The following DDR2 variants were observed in gnomAD, a reference collection of about 807,000 sequenced individuals.
DDR2 encodes discoidin domain receptor tyrosine kinase 2.
A neutral mutation model predicts 94.9 loss-of-function variants in DDR2; 27 were observed. That is an observed-to-expected ratio of 0.28 (90% CI 0.21 to 0.39). The LOEUF (loss-of-function observed/expected upper bound fraction) is 0.39, where lower values mean the gene tolerates loss of function less well. DDR2 is among the 10% of genes least tolerant of loss of function. The pLI is 1.00. For synonymous variants in DDR2, 382 were observed against 377.2 expected (o/e 1.01, Z -0.15); for missense variants, 783 against 1,076.0 (o/e 0.73, Z 3.81).
intron 3 of DDR2, among the ~76,000 whole-genome samples, chr1:162,737,306 C>A (rs1662356136): frequency 1.7e-5 from 2 of 121,060 alleles, no homozygotes; most frequent in Admixed American, 1.7e-4. Flanking sequence ...TATCCCTCCC[C>A]CCTCCCCCGA....
At chr1:162,645,360 C>T (rs1438318429) in intron 1 of DDR2, among the ~76,000 whole-genome samples, 1 of 152,062 alleles carries the variant, frequency 6.6e-6, no homozygotes, top group Non-Finnish European at 1.5e-5. Flanking sequence ...TAGGTATACA[C>T]TTCTTATGCT....
At chr1:162,718,732 TACCATTATTC>T (rs1661281345) in intron 2 of DDR2, among the ~76,000 whole-genome samples, 1 of 152,240 alleles carries the variant, frequency 6.6e-6, no homozygotes, top group Admixed American at 6.5e-5. Context: ...AGTTTTACTT[TACCATTATTC>T]ACCATTTGGG....
At chr1:162,716,935 C>A (rs548711574) in intron 2 of DDR2, among the ~76,000 whole-genome samples, 1 of 152,266 alleles carries the variant, frequency 6.6e-6, no homozygotes, top group African/African-American at 2.4e-5. Context: ...GGAATTTCTT[C>A]TCTCTTTATA....
intron 2 of DDR2, among the ~76,000 whole-genome samples, chr1:162,658,025 A>G (rs565988084): frequency 5.3e-5 from 8 of 152,250 alleles, no homozygotes; most frequent in Admixed American, 3.9e-4. Flanking sequence ...GGCTCTTCCA[A>G]AATCACTGGA....
intron 2 of DDR2, among the ~76,000 whole-genome samples, chr1:162,688,472 C>T (rs142581691): frequency 2.0e-5 from 3 of 152,260 alleles, no homozygotes; most frequent in African/African-American, 7.2e-5. Context: ...TGTTTCAGCC[C>T]AGGTAAATAA....
intron 11 of DDR2, among the ~76,000 whole-genome samples, chr1:162,768,646 G>T (rs1558075946): frequency 6.6e-6 from 1 of 152,176 alleles, no homozygotes. Context: ...CTGATGAGTA[G>T]CCTGCAATTC....
chr1:162,679,742 A>G (rs898516271), intron 2 of DDR2, among the ~76,000 whole-genome samples: 12 of 151,266 alleles, frequency 7.9e-5, no homozygotes, highest in African/African-American at 2.4e-4. Flanking sequence ...TCGCTGAACT[A>G]ATTTGCACTC....
At chr1:162,660,010 A>G (rs1658209874) in intron 2 of DDR2, among the ~76,000 whole-genome samples, 1 of 123,636 alleles carries the variant, frequency 8.1e-6, no homozygotes, top group African/African-American at 2.9e-5. Context: ...GAACAACGTT[A>G]AGTATTTCTT....
intron 2 of DDR2, among the ~76,000 whole-genome samples, chr1:162,669,863 A>G (rs1658748468): frequency 6.6e-6 from 1 of 152,176 alleles, no homozygotes; most frequent in Admixed American, 6.5e-5. Flanking sequence ...TAACTGGGCT[A>G]TTTTCTCTAT....
At chr1:162,745,258 ATATTTTC>A (rs1662793417) in intron 3 of DDR2, among the ~76,000 whole-genome samples, 2 of 152,276 alleles carry the variant, frequency 1.3e-5, no homozygotes, top group South Asian at 4.1e-4. Context: ...TAATTTGCAA[ATATTTTC>A]TCTCATTCCA....
At chr1:162,703,699 C>G (rs982799504) in intron 2 of DDR2, among the ~76,000 whole-genome samples, 2 of 152,180 alleles carry the variant, frequency 1.3e-5, no homozygotes, top group Non-Finnish European at 2.9e-5. Flanking sequence ...GCAGGCCAAG[C>G]AGTGTGCTAG....
At chr1:162,661,947 G>A (rs554037621) in intron 2 of DDR2, among the ~76,000 whole-genome samples, 1 of 152,310 alleles carries the variant, frequency 6.6e-6, no homozygotes, top group African/African-American at 2.4e-5. Context: ...AAGGGTTTGT[G>A]AAGAGTCCGG....
chr1:162,672,692 A>G (rs1658923658), intron 2 of DDR2, among the ~76,000 whole-genome samples: 2 of 152,162 alleles, frequency 1.3e-5, no homozygotes, highest in South Asian at 4.1e-4. Context: ...CACTCATAGT[A>G]TTGTGGTAAA....
At chr1:162,714,532 C>T (rs1558041718) in intron 2 of DDR2, among the ~76,000 whole-genome samples, 1 of 152,112 alleles carries the variant, frequency 6.6e-6, no homozygotes. Context: ...AGTACATTTC[C>T]ATTTATTCAT....
chr1:162,742,931 C>T (rs948380246), intron 3 of DDR2, among the ~76,000 whole-genome samples: 2 of 152,052 alleles, frequency 1.3e-5, no homozygotes, highest in South Asian at 2.1e-4. Flanking sequence ...AAGGATAGCA[C>T]GGGAAAGACG....
chr1:162,767,807 G>GGTGTGTGTGTTTGTGTGT lies in DDR2; in HGVS notation c.1293+458_1293+459insTTGTGTGTGTGTGTGTGT, dbSNP rs34949546. ...TCTTTTTCACTTTGCTTGTCTGTTT[G>GGTGTGTGTGTTTGTGTGT]GTGTGTGTGTGTGTGTGTGTGTGTG... On this transcript the variant is annotated intron_variant, in intron 11 of 17. Coordinates refer to ENST00000367921, the MANE Select transcript of DDR2 (RefSeq NM_006182.4). Among the ~76,000 whole-genome samples the GGTGTGTGTGTTTGTGTGT allele has an allele frequency of 4.9e-3, 738 of 149,554 alleles. 5 individuals carry two copies. Among genetic ancestry groups the GGTGTGTGTGTTTGTGTGT allele is most frequent in the African/African-American group, 0.013 (530 of 40,788 alleles).
chr1:162,633,888 C>G (rs893296545), intron 1 of DDR2, among the ~76,000 whole-genome samples: 5 of 152,224 alleles, frequency 3.3e-5, no homozygotes, highest in African/African-American at 4.8e-5. Context: ...ATTTGATTGA[C>G]TCTCACAGCT....
chr1:162,730,257 T>TTCTAGTGTTAGAGAACTGGGA (rs1661967114), intron 3 of DDR2, among the ~76,000 whole-genome samples: 3 of 152,014 alleles, frequency 2.0e-5, no homozygotes, highest in African/African-American at 7.2e-5. Flanking sequence ...AGGTCCAGCC[T>TTCTAGTGTTAGAGAACTGGGA]TCTAGTGTTA....
Position 162,704,665 on chromosome 1 carries a change from G to T in DDR2, c.-27-14372G>T, listed in dbSNP as rs575622280. Among the ~76,000 whole-genome samples, 133 of 152,252 alleles carry T rather than the reference G, an allele frequency of 8.7e-4. 1 individual carries two copies. Among genetic ancestry groups the T allele is most frequent in the African/African-American group, 3.1e-3 (128 of 41,534 alleles). On this transcript the variant is annotated intron_variant, in intron 2 of 17. Coordinates refer to ENST00000367921, the MANE Select transcript of DDR2 (RefSeq NM_006182.4). ...AGAAGCAGTGAGGCATCTCTGCGGG[G>T]TCTCTTTTAAAAGGACCCTGAAAGA...
Sources: allele counts gnomAD v4.1 joint callset (sites outside exome capture counted in the v4.1 genomes callset), GRCh38; gene constraint gnomAD v4.1.1; transcripts MANE v1.5; gene names NCBI Gene and HGNC (gene_info 2026-07-23, HGNC 2026-07-21).